Variants in MYO10 observed in about 807,000 individuals in gnomAD.
MYO10 encodes the protein unconventional myosin-X.
In MYO10, 133 loss-of-function variants were observed where a neutral mutation model predicts 257.3. That is an observed-to-expected ratio of 0.52 (90% CI 0.45 to 0.60). The LOEUF (loss-of-function observed/expected upper bound fraction) is 0.60, where lower values mean the gene tolerates loss of function less well. Among genes scored for constraint, MYO10 ranks in the 20% least tolerant of loss-of-function variants. The pLI is 0.00. For missense variants in MYO10, 2,399 were observed against 2,635.7 expected (o/e 0.91, Z 1.97); for synonymous variants, 1,104 against 1,028.6 (o/e 1.07, Z -1.40).
At chr5:16,705,804 C>T (rs1368424189) in intron 21 of MYO10, among the ~76,000 whole-genome samples, 1 of 152,186 alleles carries the variant, frequency 6.6e-6, no homozygotes, top group Non-Finnish European at 1.5e-5. Context: ...CTGGGTAAAA[C>T]TCCATCACAA....
At chr5:16,775,318 C>A (rs1250784403) in intron 9 of MYO10, among the ~76,000 whole-genome samples, 1 of 152,024 alleles carries the variant, frequency 6.6e-6, no homozygotes, top group Non-Finnish European at 1.5e-5. Flanking sequence ...ATGTTTATTG[C>A]GACCAATGAT....
rs184018943 is a variant in MYO10, at chr5:16,666,283, T to C, written c.*409A>G. 3.8e-4 allele frequency: 61 copies of C among 162,388 alleles called. No individual in the cohort carries two copies. In the East Asian group the frequency reaches 9.3e-3, roughly 25 times the overall value. The allele number at this position is 162,388 out of a possible 1,614,324, so 10.1% of individuals were successfully genotyped here. On this transcript the variant is annotated 3_prime_UTR_variant, in exon 41 of 41. Transcript: ENST00000513610. ...ATCAGGTTGGGAGGTTAGTGCATCA[T>C]TGACAGAGAATGCCCCCCTTCCACG...
intron 4 of MYO10, among the ~76,000 whole-genome samples, chr5:16,791,576 A>G (rs1741761043): frequency 6.6e-6 from 1 of 152,178 alleles, no homozygotes; most frequent in Non-Finnish European, 1.5e-5. Flanking sequence ...ACATATGCAC[A>G]ATGATCTCAT....
At position 16,906,264 on chromosome 5, in the gene MYO10, G is replaced by A. The variant is rs76571053; in HGVS notation, c.22-28557C>T. 5.9e-4 allele frequency among the ~76,000 whole-genome samples: 90 copies of A among 152,230 alleles called. No individual in the cohort carries two copies. The East Asian group carries it at 0.016, about 27-fold the overall frequency. On this transcript the variant is annotated intron_variant, in intron 1 of 40. Transcript: ENST00000513610. The stretch of plus-strand genomic sequence containing the variant: ...CCCTGGAATGAGGAGCCAATGGGGC[G>A]CTCCTAGGATGAAAAGAATTTGAGT...
intron 27 of MYO10, 113 bp from the exon 28 acceptor site, chr5:16,690,032 A>G (rs1303639255): frequency 2.5e-5 from 19 of 762,838 alleles, no homozygotes; most frequent in Non-Finnish European, 2.3e-5. Context: ...GTTACTGACG[A>G]AACGGTACAC....
At chr5:16,798,003 G>C (rs1580002827) in intron 3 of MYO10, among the ~76,000 whole-genome samples, 1 of 152,312 alleles carries the variant, frequency 6.6e-6, no homozygotes, top group East Asian at 1.9e-4. Flanking sequence ...ATTATTGCAG[G>C]AGTGAGTTAG....
In MYO10 at chr5:16,701,720, C is replaced by A; in HGVS notation, c.2675G>T (p.Arg892Leu). ...KENKQVEEIL[R>L]LEKEIEDLQR... Reference sequence around the variant, plus strand: ...CAGGTCCTCGATTTCTTTCTCCAGACGGAGGATCTCTTCCACCTGCTTATT... The same window carrying A: ...CAGGTCCTCGATTTCTTTCTCCAGAAGGAGGATCTCTTCCACCTGCTTATT... Residue 892 changes from arginine (R) to leucine (L), a missense_variant, in exon 25 of 41, where the codon CGT becomes CTT. Coordinates refer to ENST00000513610, the MANE Select transcript of MYO10 (RefSeq NM_012334.3). This position sits in a 1 kb window ranked among gnomAD's most constrained non-coding sequence, Gnocchi z 8.1. 4 of 1,614,014 alleles carry A rather than the reference C, an allele frequency of 2.5e-6. No individual in the cohort carries two copies. Among genetic ancestry groups the A allele is most frequent in the Non-Finnish European group, 3.4e-6 (4 of 1,179,894 alleles).
intron 2 of MYO10, among the ~76,000 whole-genome samples, chr5:16,856,117 T>A (rs75422947): frequency 2.0e-5 from 3 of 152,228 alleles, no homozygotes; most frequent in African/African-American, 7.2e-5. Context: ...CAAGTCTTCA[T>A]CTAGGAAACC....
intron 1 of MYO10, among the ~76,000 whole-genome samples, chr5:16,881,545 G>C (rs1266584081): frequency 2.6e-5 from 4 of 152,070 alleles, no homozygotes; most frequent in Non-Finnish European, 4.4e-5. Flanking sequence ...AGTTTTCCTA[G>C]GTCTATCACA....
chr5:16,678,956 C>A (rs1218073557), intron 33 of MYO10, among the ~76,000 whole-genome samples: 1 of 152,222 alleles, frequency 6.6e-6, no homozygotes, highest in East Asian at 1.9e-4. Context: ...ACCAGAACAT[C>A]CCCCGTCACC....
chr5:16,797,372 T>C (rs193184200), intron 3 of MYO10, among the ~76,000 whole-genome samples: 1 of 152,190 alleles, frequency 6.6e-6, no homozygotes, highest in African/African-American at 2.4e-5. Context: ...GGATAAGGGT[T>C]ACTCAACCTG....
chr5:16,783,430 C>T lies in MYO10; in HGVS notation c.507G>A (p.Leu169=), dbSNP rs1741483044. Reference sequence around the variant, plus strand: ...TGATGACTGACAGAAACTTGAGGATCAATTTAGTGCTTTCGGTTTTACCTG... The same window carrying T: ...TGATGACTGACAGAAACTTGAGGATTAATTTAGTGCTTTCGGTTTTACCTG... The part of the protein sequence containing the change: ...SGAGKTESTK[L]ILKFLSVISQ... Residue 169 remains leucine (L), a synonymous_variant, in exon 5 of 41, where the codon TTG becomes TTA. Transcript: ENST00000513610. 2 of 1,610,730 alleles carry T rather than the reference C, an allele frequency of 1.2e-6. No individual in the cohort carries two copies. Among genetic ancestry groups the T allele is most frequent in the Non-Finnish European group, 1.7e-6 (2 of 1,178,704 alleles).
intron 2 of MYO10, among the ~76,000 whole-genome samples, chr5:16,844,486 T>C (rs1193196258): frequency 6.6e-6 from 1 of 152,108 alleles, no homozygotes; most frequent in Non-Finnish European, 1.5e-5. Context: ...AAGAGGAATA[T>C]CTAAAGTACG....
rs1283903311 is a variant in MYO10 at position 16,701,415 on chromosome 5, C to T, written c.2980G>A (p.Asp994Asn). Reference sequence around the variant, plus strand: ...TCGTCGTCGGCTTCGAAGCCCTCATCGACCTCCTCCTCTGGGTAGGGCTGG... The same window carrying T: ...TCGTCGTCGGCTTCGAAGCCCTCATTGACCTCCTCCTCTGGGTAGGGCTGG... Reference protein sequence around the residue: ...FSQPYPEEEVDEGFEADDDAF... With the variant: ...FSQPYPEEEVNEGFEADDDAF... Residue 994 changes from aspartate (D) to asparagine (N), a missense_variant, in exon 25 of 41, where the codon GAT (aspartate) becomes AAT (asparagine). Coordinates refer to ENST00000513610, the MANE Select transcript of MYO10 (RefSeq NM_012334.3). The surrounding 1 kb of genome is among the most constrained non-coding windows in gnomAD (Gnocchi z 8.1). The T allele has an allele frequency of 6.2e-7, 1 of 1,614,010 alleles. No individual in the cohort carries two copies. Among genetic ancestry groups the T allele is most frequent in the Non-Finnish European group, 8.5e-7 (1 of 1,179,904 alleles).
intron 3 of MYO10, among the ~76,000 whole-genome samples, chr5:16,811,991 G>T (rs1560997169): frequency 6.6e-6 from 1 of 152,176 alleles, no homozygotes; most frequent in Non-Finnish European, 1.5e-5. Flanking sequence ...GCGGGTATTT[G>T]CCCTTGCCAG....
At chr5:16,822,930 G>A (rs751003651) in intron 2 of MYO10, among the ~76,000 whole-genome samples, 11 of 151,342 alleles carry the variant, frequency 7.3e-5, no homozygotes, top group Non-Finnish European at 1.2e-4. Context: ...CTCGTGATCC[G>A]CCCGCCTCGG....
At chr5:16,844,937 TACACACACACACACACGCACACACAC>T (rs904520818) in intron 2 of MYO10, among the ~76,000 whole-genome samples, 1 of 144,988 alleles carries the variant, frequency 6.9e-6, no homozygotes, top group Admixed American at 7.0e-5. Context: ...TAATTCCAGA[TACACACACACACACACGCACACACAC>T]ACACACACAC....
Position 16,783,118 on chromosome 5 carries a change from G to C in MYO10, c.602+217C>G, listed in dbSNP as rs77220146. Among the ~76,000 whole-genome samples the C allele has an allele frequency of 9.2e-5, 14 of 152,320 alleles. No homozygotes were observed. The East Asian group carries it at 2.7e-3, about 29-fold the overall frequency. ...TGCGCGCCACTCAGTCCCCATCTCA[G>C]ACCTGGCCTGACGATGAAGGGGCAG... On this transcript the variant is annotated intron_variant, in intron 5 of 40. Coordinates refer to ENST00000513610, the MANE Select transcript of MYO10 (RefSeq NM_012334.3).
chr5:16,683,304 G>A (rs1003601783), intron 30 of MYO10, among the ~76,000 whole-genome samples: 3 of 152,098 alleles, frequency 2.0e-5, no homozygotes, highest in Non-Finnish European at 4.4e-5. Flanking sequence ...GAACTTACAA[G>A]ATAATACAGA....
Sources: allele counts gnomAD v4.1 joint callset (sites outside exome capture counted in the v4.1 genomes callset), GRCh38; gene constraint gnomAD v4.1.1; non-coding constraint Gnocchi (gnomAD v3.1); transcripts MANE v1.5; gene names NCBI Gene and HGNC (gene_info 2026-07-23, HGNC 2026-07-21).